SLC25A21: variants seen among roughly 807,000 people sequenced by gnomAD.
The protein encoded by SLC25A21 is mitochondrial 2-oxodicarboxylate carrier.
In SLC25A21, 47 loss-of-function variants were observed where a neutral mutation model predicts 43.8. The observed-to-expected ratio is 1.07, with a 90% CI of 0.85 to 1.37. The LOEUF is 1.37. Among genes scored for constraint, SLC25A21 ranks in the 40% most tolerant of loss-of-function variants. The pLI, the probability that SLC25A21 is intolerant of heterozygous loss-of-function variation, is 0.00. For missense variants in SLC25A21, 352 were observed against 350.2 expected (o/e 1.00, Z -0.04); for synonymous variants, 131 against 121.3 (o/e 1.08, Z -0.52).
chr14:36,739,511 C>T (rs938905047), intron 3 of SLC25A21, among the ~76,000 whole-genome samples: 2 of 151,994 alleles, frequency 1.3e-5, no homozygotes, highest in Non-Finnish European at 2.9e-5. Context: ...AGCCCCTTCT[C>T]TACTAAAAAT....
At chr14:36,877,602 A>G (rs1169466) in intron 1 of SLC25A21, among the ~76,000 whole-genome samples, 124,922 of 151,866 alleles carry the variant, frequency 0.82, 52,521 homozygotes, top group Non-Finnish European at 0.92. Context: ...GAGGAGGTGC[A>G]ATGCTCAGAG....
At position 36,865,225 on chromosome 14, in the gene SLC25A21, G is replaced by A. The variant is rs75558379; in HGVS notation, c.119+9731C>T. Among the ~76,000 whole-genome samples, 529 of 151,812 alleles carry A rather than the reference G, an allele frequency of 3.5e-3. 12 individuals carry two copies. The East Asian group carries it at 0.046, about 13-fold the overall frequency. On this transcript the variant is annotated intron_variant, in intron 2 of 9. Coordinates refer to ENST00000331299, the MANE Select transcript of SLC25A21 (RefSeq NM_030631.4). ...AGACCCTGGCTTCACACTCTCTGCT[G>A]GGCTCCCCACAAAGCAGCCTCTCAC...
rs146538653 is a variant in SLC25A21, at chr14:36,818,091, T to C, written c.120-4090A>G. Reference sequence around the variant, plus strand: ...CAGTAAAGTGAAAGAGATGTGCAAATAGATGATTACCATACACAAAAACTA... The same window carrying C: ...CAGTAAAGTGAAAGAGATGTGCAAACAGATGATTACCATACACAAAAACTA... On this transcript the variant is annotated intron_variant, in intron 2 of 9. Transcript: ENST00000331299. Among the ~76,000 whole-genome samples the C allele has an allele frequency of 7.1e-3, 1,079 of 152,270 alleles. 22 individuals carry two copies. The highest frequency in any genetic ancestry group is 0.025 in the African/African-American group (1,023 of 41,556).
intron 1 of SLC25A21, among the ~76,000 whole-genome samples, chr14:36,967,832 T>TG (rs1566778754): frequency 6.7e-4 from 101 of 151,656 alleles, no homozygotes; most frequent in East Asian, 2.3e-3. Context: ...CCACATGCAC[T>TG]TGTGTGTGTG....
In SLC25A21 at chr14:36,757,283, A is replaced by G. The variant is rs60121293; in HGVS notation, c.204-22710T>C. 7.9e-3 allele frequency among the ~76,000 whole-genome samples: 1,202 copies of G among 152,162 alleles called. 18 individuals are homozygous for G. Among genetic ancestry groups the G allele is most frequent in the African/African-American group, 0.027 (1,121 of 41,504 alleles). On this transcript the variant is annotated intron_variant, in intron 3 of 9. Coordinates refer to ENST00000331299, the MANE Select transcript of SLC25A21 (RefSeq NM_030631.4). ...AAATAAAAATAATAATAATTACTGAAATAATTACAAAAAAGTACCCAAATA... is the reference window on the plus strand; with the variant it reads ...AAATAAAAATAATAATAATTACTGAGATAATTACAAAAAAGTACCCAAATA...
chr14:36,695,207 G>A (rs889915511), intron 7 of SLC25A21, among the ~76,000 whole-genome samples: 1 of 152,184 alleles, frequency 6.6e-6, no homozygotes, highest in Non-Finnish European at 1.5e-5. Context: ...GTTTGTCAAA[G>A]ATCAGATGGT....
At chr14:37,036,854 T>A (rs1961337522) in intron 1 of SLC25A21, among the ~76,000 whole-genome samples, 1 of 152,186 alleles carries the variant, frequency 6.6e-6, no homozygotes, top group South Asian at 2.1e-4. Flanking sequence ...GATGTTCAAA[T>A]GTGGATCTTG....
intron 1 of SLC25A21, among the ~76,000 whole-genome samples, chr14:37,029,473 C>G (rs929785805): frequency 3.9e-5 from 6 of 152,158 alleles, no homozygotes; most frequent in Non-Finnish European, 5.9e-5. Flanking sequence ...GCTGGGCATA[C>G]TCAGTGCCAC....
intron 1 of SLC25A21, among the ~76,000 whole-genome samples, chr14:36,883,679 G>A (rs527552217): frequency 6.6e-6 from 1 of 152,104 alleles, no homozygotes; most frequent in African/African-American, 2.4e-5. Flanking sequence ...TTATATAAGA[G>A]AATAAAACTG....
intron 3 of SLC25A21, among the ~76,000 whole-genome samples, chr14:36,760,911 GGAAA>G (rs1886131713): frequency 1.3e-5 from 2 of 151,842 alleles, no homozygotes; most frequent in Admixed American, 6.6e-5. Context: ...GAGGAAGAAA[GGAAA>G]GAAAGGAAAA....
chr14:36,967,832 TTG>T (rs904341616), intron 1 of SLC25A21, among the ~76,000 whole-genome samples: 14 of 151,628 alleles, frequency 9.2e-5, no homozygotes, highest in South Asian at 2.1e-4. Context: ...CCACATGCAC[TTG>T]TGTGTGTGTG....
At chr14:37,015,978 C>G (rs1960846013) in intron 1 of SLC25A21, among the ~76,000 whole-genome samples, 1 of 150,224 alleles carries the variant, frequency 6.7e-6, no homozygotes, top group African/African-American at 2.4e-5. Context: ...AAAATTTTCT[C>G]CCATTTTGTA....
At chr14:36,920,815 G>A in intron 1 of SLC25A21, among the ~76,000 whole-genome samples, 1 of 152,066 alleles carries the variant, frequency 6.6e-6, no homozygotes, top group East Asian at 1.9e-4. Context: ...CCCAGAAAAA[G>A]AGGAGCACTA....
At chr14:36,964,923 T>C (rs1417879074) in intron 1 of SLC25A21, among the ~76,000 whole-genome samples, 1 of 152,200 alleles carries the variant, frequency 6.6e-6, no homozygotes, top group Non-Finnish European at 1.5e-5. Context: ...TTTAGTTTTT[T>C]TTCCCTCTAT....
intron 4 of SLC25A21, among the ~76,000 whole-genome samples, chr14:36,730,412 G>C (rs1223782603): frequency 6.6e-6 from 1 of 152,080 alleles, no homozygotes; most frequent in African/African-American, 2.4e-5. Context: ...GATAAGGCAC[G>C]TTTTTAAGTT....
chr14:36,724,362 G>A (rs954295366), intron 6 of SLC25A21, among the ~76,000 whole-genome samples: 4 of 152,168 alleles, frequency 2.6e-5, no homozygotes, highest in African/African-American at 9.6e-5. Flanking sequence ...AAACTGCCAG[G>A]AAGCTCTCAG....
intron 1 of SLC25A21, among the ~76,000 whole-genome samples, chr14:37,042,634 G>A (rs1961498764): frequency 6.6e-6 from 1 of 152,116 alleles, no homozygotes; most frequent in Non-Finnish European, 1.5e-5. Flanking sequence ...AAGCATTCTT[G>A]ACATTACAAG....
At chr14:36,880,384 C>T (rs570548166) in intron 1 of SLC25A21, among the ~76,000 whole-genome samples, 1 of 152,306 alleles carries the variant, frequency 6.6e-6, no homozygotes, top group South Asian at 2.1e-4. Flanking sequence ...TTTCCTTAAA[C>T]TACTGCGATT....
At chr14:36,858,698 G>T (rs190869313) in intron 2 of SLC25A21, among the ~76,000 whole-genome samples, 1 of 151,944 alleles carries the variant, frequency 6.6e-6, no homozygotes, top group South Asian at 2.1e-4. Flanking sequence ...TGGAACACCC[G>T]CAAACAAGAC....
Sources: gnomAD v4.1 joint callset for allele counts (sites outside exome capture counted in the v4.1 genomes callset) on GRCh38, gnomAD v4.1.1 for gene constraint, MANE v1.5 for transcripts, NCBI Gene and HGNC (gene_info 2026-07-23, HGNC 2026-07-21) for gene names.